CDYL: variants seen among roughly 807,000 people sequenced by gnomAD.
The protein encoded by CDYL is chromodomain Y-like protein.
In CDYL, 8 loss-of-function variants were observed where a neutral mutation model predicts 47.3. The observed-to-expected ratio is 0.17, with a 90% CI of 0.10 to 0.31. The LOEUF (loss-of-function observed/expected upper bound fraction) is 0.31, where lower values mean the gene tolerates loss of function less well. Among genes scored for constraint, CDYL ranks in the 10% least tolerant of loss-of-function variants. The probability of loss-of-function intolerance (pLI) is 1.00; values close to 1 mark genes in which losing one functional copy is unlikely to be tolerated. For missense variants in CDYL, 471 were observed against 701.4 expected (o/e 0.67, Z 3.71); for synonymous variants, 266 against 265.0 (o/e 1.00, Z -0.04).
At chr6:4,900,169 A>T (rs1235892339) in intron 2 of CDYL, among the ~76,000 whole-genome samples, 1 of 152,172 alleles carries the variant, frequency 6.6e-6, no homozygotes, top group Non-Finnish European at 1.5e-5. Context: ...ATCTTTTTCT[A>T]TGAATTTATA....
chr6:4,827,078 G>A (rs894965806), intron 1 of CDYL, among the ~76,000 whole-genome samples: 1 of 151,998 alleles, frequency 6.6e-6, no homozygotes, highest in African/African-American at 2.4e-5. Context: ...TACAGTTTTT[G>A]ACTTAAAGTC....
At chr6:4,835,599 C>T (rs991458580) in intron 1 of CDYL, among the ~76,000 whole-genome samples, 3 of 152,216 alleles carry the variant, frequency 2.0e-5, no homozygotes, top group African/African-American at 7.2e-5. Flanking sequence ...CTGCTCTCTT[C>T]AAAGCTGTCA....
chr6:4,875,987 T>C (rs550149179), intron 1 of CDYL, among the ~76,000 whole-genome samples: 6 of 152,328 alleles, frequency 3.9e-5, no homozygotes, highest in African/African-American at 1.4e-4. Context: ...CAATGAAATG[T>C]GCTGATCTTA....
intron 1 of CDYL, among the ~76,000 whole-genome samples, chr6:4,825,708 G>A (rs1759962755): frequency 6.6e-6 from 1 of 152,072 alleles, no homozygotes; most frequent in Non-Finnish European, 1.5e-5. Context: ...AATCCTTTTA[G>A]ATGTTAGATT....
In CDYL at chr6:4,791,316, G is replaced by A. The variant is rs1758910418; in HGVS notation, c.24+14509G>A. Among the ~76,000 whole-genome samples the A allele has an allele frequency of 3.3e-5, 5 of 152,284 alleles. No homozygotes were observed. The East Asian group carries it at 5.8e-4, about 18-fold the overall frequency. ...GGGCCCTAGTGATGAAATTTTTAAC[G>A]AAGACCTTTCATTTTGTGTGTGAGA... On this transcript the variant is annotated intron_variant, in intron 1 of 6. Coordinates refer to ENST00000397588, the MANE Select transcript of CDYL (RefSeq NM_004824.4).
At chr6:4,845,595 T>C (rs982357650) in intron 1 of CDYL, among the ~76,000 whole-genome samples, 2 of 152,204 alleles carry the variant, frequency 1.3e-5, no homozygotes, top group African/African-American at 4.8e-5. Context: ...ACAATAAATA[T>C]TTTACGCTTT....
Position 4,845,917 on chromosome 6 carries a change from G to A in CDYL, c.25-45796G>A, listed in dbSNP as rs1322811103. On this transcript the variant is annotated intron_variant, in intron 1 of 6. Transcript: ENST00000397588. ...GAATGAAAAAAATAGAACTACTAAC[G>A]GAACTGATCTCCTATTTGAAAACTG... Among the ~76,000 whole-genome samples, 15 of 152,162 alleles carry A rather than the reference G, an allele frequency of 9.9e-5. No individual in the cohort carries two copies. In the East Asian group the frequency reaches 1.9e-3, roughly 20 times the overall value.
intron 1 of CDYL, 36 bp downstream of exon 1, chr6:4,776,843 G>A: frequency 5.8e-6 from 3 of 518,310 alleles, no homozygotes; most frequent in Non-Finnish European, 7.1e-6. Flanking sequence ...GCCGCCCCCC[G>A]CCCGCCGCCC....
At chr6:4,759,254 C>G (rs1191675794) in intron 3 of CDYL, among the ~76,000 whole-genome samples, 1 of 152,118 alleles carries the variant, frequency 6.6e-6, no homozygotes, top group Admixed American at 6.5e-5. Context: ...CAGGCGTGAG[C>G]CACCGCGCCC....
rs1328586060 is a variant in CDYL, at chr6:4,748,031, A to G, written c.186+13187A>G. On this transcript the variant is annotated intron_variant, in intron 3 of 8. Coordinates refer to the CDYL transcript ENST00000328908. Reference sequence around the variant, plus strand: ...TGTTTAATAAATATCTATTGGGTGAATGAGTCTGCAGAGATATATGTCATT... The same window carrying G: ...TGTTTAATAAATATCTATTGGGTGAGTGAGTCTGCAGAGATATATGTCATT... Among the ~76,000 whole-genome samples, 4 of 152,292 alleles carry G rather than the reference A, an allele frequency of 2.6e-5. No homozygotes were observed. The South Asian group carries it at 6.2e-4, about 24-fold the overall frequency.
At position 4,869,851 on chromosome 6, in the gene CDYL, G is replaced by A. The variant is rs533313655; in HGVS notation, c.25-21862G>A. On this transcript the variant is annotated intron_variant, in intron 1 of 6. Coordinates refer to ENST00000397588, the MANE Select transcript of CDYL (RefSeq NM_004824.4). ...TATGTCATTTAAATAAAGAGAAGAA[G>A]CAATATTCAAATAGTCTTCTGTATT... Among the ~76,000 whole-genome samples the A allele has an allele frequency of 1.2e-4, 18 of 152,212 alleles. 1 individual carries two copies. The Middle Eastern group carries it at 0.024, about 201-fold the overall frequency.
intron 1 of CDYL, among the ~76,000 whole-genome samples, chr6:4,883,928 A>G (rs1460194801): frequency 6.6e-6 from 1 of 152,174 alleles, no homozygotes; most frequent in Admixed American, 6.5e-5. Context: ...AACAGTGGCA[A>G]ACTCTCCAAA....
chr6:4,940,132 A>C (rs1395208971), intron 4 of CDYL, among the ~76,000 whole-genome samples: 1 of 152,094 alleles, frequency 6.6e-6, no homozygotes, highest in African/African-American at 2.4e-5. Context: ...ACTTGATGTC[A>C]CTTTAAAAGT....
At chr6:4,870,930 A>G (rs555845207) in intron 1 of CDYL, among the ~76,000 whole-genome samples, 7 of 152,342 alleles carry the variant, frequency 4.6e-5, no homozygotes, top group African/African-American at 1.7e-4. Flanking sequence ...TCTTTCAAGC[A>G]CAATTAAAAT....
intron 1 of CDYL, among the ~76,000 whole-genome samples, chr6:4,855,553 C>T (rs1044381015): frequency 2.6e-5 from 4 of 152,098 alleles, no homozygotes; most frequent in Non-Finnish European, 5.9e-5. Flanking sequence ...CACACATGCA[C>T]CCACGATTTT....
At chr6:4,948,787 G>A (rs559258728) in intron 5 of CDYL, among the ~76,000 whole-genome samples, 7 of 152,346 alleles carry the variant, frequency 4.6e-5, no homozygotes, top group Admixed American at 1.3e-4. Flanking sequence ...TTCACTCGGC[G>A]TGAATTCTAC....
chr6:4,777,624 A>G (rs1295504847), intron 1 of CDYL, among the ~76,000 whole-genome samples: 2 of 152,206 alleles, frequency 1.3e-5, no homozygotes, highest in Admixed American at 1.3e-4. Flanking sequence ...TTTCACATGT[A>G]TTTATAAATA....
intron 1 of CDYL, among the ~76,000 whole-genome samples, chr6:4,880,845 TGC>T (rs1387573955): frequency 6.6e-6 from 1 of 152,258 alleles, no homozygotes; most frequent in Non-Finnish European, 1.5e-5. Context: ...AGATGTCTTT[TGC>T]CCATTTTTAA....
intron 1 of CDYL, among the ~76,000 whole-genome samples, chr6:4,808,105 T>C (rs1182232013): frequency 6.6e-6 from 1 of 152,238 alleles, no homozygotes; most frequent in Non-Finnish European, 1.5e-5. Context: ...GAATTTTCTT[T>C]GCTCCAGCTC....
Sources: allele counts gnomAD v4.1 joint callset (sites outside exome capture counted in the v4.1 genomes callset), GRCh38; gene constraint gnomAD v4.1.1; transcripts MANE v1.5; gene names NCBI Gene and HGNC (gene_info 2026-07-23, HGNC 2026-07-21).